MEF2A: variants seen among roughly 807,000 people sequenced by gnomAD.
The protein encoded by MEF2A is myocyte-specific enhancer factor 2A.
A neutral mutation model predicts 55.8 loss-of-function variants in MEF2A; 28 were observed. That is an observed-to-expected ratio of 0.50 (90% CI 0.37 to 0.69). The LOEUF is 0.69. Among genes scored for constraint, MEF2A ranks in the 30% least tolerant of loss-of-function variants. MEF2A has a pLI of 0.00. For missense variants in MEF2A, 528 were observed against 626.2 expected (o/e 0.84, Z 1.67); for synonymous variants, 239 against 227.1 (o/e 1.05, Z -0.47).
chr15:99,637,789 C>A (rs2044154456), intron 3 of MEF2A, among the ~76,000 whole-genome samples: 1 of 152,114 alleles, frequency 6.6e-6, no homozygotes, highest in South Asian at 2.1e-4. Context: ...ATTACAGGCG[C>A]CTGCCACCAC....
intron 2 of MEF2A, among the ~76,000 whole-genome samples, chr15:99,623,984 A>G (rs1222285041): frequency 2.6e-5 from 4 of 151,738 alleles, no homozygotes; most frequent in Non-Finnish European, 5.9e-5. Flanking sequence ...TTTTTTGTAT[A>G]TAATAGAGAT....
At chr15:99,707,685 G>A (rs1480282100) in intron 10 of MEF2A, among the ~76,000 whole-genome samples, 1 of 152,092 alleles carries the variant, frequency 6.6e-6, no homozygotes, top group African/African-American at 2.4e-5. Context: ...GAGGAAGACG[G>A]CAGTAGTTCA....
intron 1 of MEF2A, among the ~76,000 whole-genome samples, chr15:99,595,693 T>C (rs1469104710): frequency 6.6e-6 from 1 of 152,210 alleles, no homozygotes; most frequent in Non-Finnish European, 1.5e-5. Context: ...CTAACTACAA[T>C]AATTTTACCC....
At chr15:99,691,395 G>C (rs191566279) in intron 8 of MEF2A, among the ~76,000 whole-genome samples, 4 of 152,126 alleles carry the variant, frequency 2.6e-5, no homozygotes, top group Admixed American at 6.5e-5. Flanking sequence ...TAAACTATTT[G>C]TTAGAAAATT....
At chr15:99,606,926 A>C (rs979245209) in intron 2 of MEF2A, among the ~76,000 whole-genome samples, 1 of 152,314 alleles carries the variant, frequency 6.6e-6, no homozygotes, top group African/African-American at 2.4e-5. Context: ...GATGTTCATC[A>C]TAGTTGGCTA....
chr15:99,696,087 C>G (rs2056439757), intron 8 of MEF2A, among the ~76,000 whole-genome samples: 1 of 152,104 alleles, frequency 6.6e-6, no homozygotes, highest in Non-Finnish European at 1.5e-5. Context: ...GTGTATGCAC[C>G]TAACAGCAAC....
intron 1 of MEF2A, among the ~76,000 whole-genome samples, chr15:99,595,945 G>A (rs779138505): frequency 1.3e-5 from 2 of 152,142 alleles, no homozygotes; most frequent in Non-Finnish European, 2.9e-5. Context: ...CTCCCTTTTA[G>A]GTGGGTGGAA....
intron 1 of MEF2A, among the ~76,000 whole-genome samples, chr15:99,591,032 C>T (rs911373243): frequency 1.3e-5 from 2 of 151,980 alleles, no homozygotes; most frequent in African/African-American, 4.8e-5. Context: ...TATATACTAC[C>T]CCAATCCCAC....
chr15:99,694,793 G>A (rs970488737), intron 8 of MEF2A, among the ~76,000 whole-genome samples: 1 of 152,066 alleles, frequency 6.6e-6, no homozygotes, highest in South Asian at 2.1e-4. Context: ...TCTTCTGCAC[G>A]GGAGATTTAT....
intron 2 of MEF2A, among the ~76,000 whole-genome samples, chr15:99,600,754 ATATATCCT>A (rs56321232): frequency 0.22 from 32,756 of 151,912 alleles, 4,167 homozygotes; most frequent in South Asian, 0.33. Context: ...CTGCTGATCT[ATATATCCT>A]TATGACAGTG....
intron 8 of MEF2A, among the ~76,000 whole-genome samples, chr15:99,693,696 A>G (rs748624142): frequency 6.6e-6 from 1 of 152,194 alleles, no homozygotes; most frequent in Non-Finnish European, 1.5e-5. Flanking sequence ...AACAAAAGTC[A>G]TGGGAATTTA....
chr15:99,576,565 CT>C (rs1567145193), intron 1 of MEF2A, among the ~76,000 whole-genome samples: 6 of 151,192 alleles, frequency 4.0e-5, no homozygotes, highest in African/African-American at 1.5e-4. Context: ...GGAAACCTTT[CT>C]TTTAAGTGAA....
At chr15:99,596,414 T>A (rs1476695155) in intron 1 of MEF2A, among the ~76,000 whole-genome samples, 1 of 152,188 alleles carries the variant, frequency 6.6e-6, no homozygotes, top group Non-Finnish European at 1.5e-5. Context: ...AAAAACTTGT[T>A]TATGTGTTTT....
chr15:99,613,805 G>A (rs1057349598), intron 2 of MEF2A, among the ~76,000 whole-genome samples: 1 of 152,154 alleles, frequency 6.6e-6, no homozygotes, highest in Non-Finnish European at 1.5e-5. Flanking sequence ...AACGGGGAAC[G>A]TATTGACATG....
At chr15:99,651,037 A>G (rs2046765244) in intron 4 of MEF2A, among the ~76,000 whole-genome samples, 1 of 152,246 alleles carries the variant, frequency 6.6e-6, no homozygotes, top group South Asian at 2.1e-4. Context: ...ATTTCAAACA[A>G]AGAGCAAGCA....
intron 7 of MEF2A, among the ~76,000 whole-genome samples, chr15:99,688,201 C>G (rs182895598): frequency 1.3e-5 from 2 of 152,316 alleles, no homozygotes; most frequent in East Asian, 3.9e-4. Context: ...CTACTTTTTA[C>G]TTGTCATTAT....
intron 4 of MEF2A, among the ~76,000 whole-genome samples, chr15:99,658,539 A>G (rs1176650019): frequency 6.6e-6 from 1 of 152,102 alleles, no homozygotes; most frequent in Non-Finnish European, 1.5e-5. Context: ...ACAATTTTCT[A>G]GGATTGATGA....
At chr15:99,597,594 T>C (rs1971645206) in intron 1 of MEF2A, among the ~76,000 whole-genome samples, 2 of 152,210 alleles carry the variant, frequency 1.3e-5, no homozygotes, top group Admixed American at 1.3e-4. Context: ...ACTTGATGTC[T>C]GTGACCCACA....
At chr15:99,635,991 AGTAGTTCTACTGGTTTACACTCTGCTG>A (rs2043749744) in intron 3 of MEF2A, among the ~76,000 whole-genome samples, 1 of 152,160 alleles carries the variant, frequency 6.6e-6, no homozygotes, top group African/African-American at 2.4e-5. Context: ...AGTTTTCTAA[AGTAGTTCTACTGGTTTACACTCTGCTG>A]GCAGAGTGTA....
Sources: allele counts gnomAD v4.1 joint callset (sites outside exome capture counted in the v4.1 genomes callset), GRCh38; gene constraint gnomAD v4.1.1; transcripts MANE v1.5; gene names NCBI Gene and HGNC (gene_info 2026-07-23, HGNC 2026-07-21).